Variants in ZMAT4 observed in about 807,000 individuals in gnomAD.
ZMAT4 encodes the protein zinc finger matrin-type protein 4.
ZMAT4 carries 17 observed loss-of-function variants against 28.7 expected under a neutral mutation model. The observed-to-expected ratio is 0.59, with a 90% CI of 0.41 to 0.89. The LOEUF is 0.89. Among genes scored for constraint, ZMAT4 ranks in the 40% least tolerant of loss-of-function variants. The pLI is 0.00. For synonymous variants in ZMAT4, 117 were observed against 109.2 expected (o/e 1.07, Z -0.44); for missense variants, 240 against 283.8 (o/e 0.85, Z 1.11).
intron 6 of ZMAT4, among the ~76,000 whole-genome samples, chr8:40,571,532 G>T (rs1171220555): frequency 6.6e-6 from 1 of 152,140 alleles, no homozygotes; most frequent in African/African-American, 2.4e-5. Flanking sequence ...GTAGAAAGCA[G>T]CCTTTGGCCC....
At chr8:40,861,392 T>A (rs1471485656) in intron 1 of ZMAT4, among the ~76,000 whole-genome samples, 1 of 152,292 alleles carries the variant, frequency 6.6e-6, no homozygotes, top group Non-Finnish European at 1.5e-5. Context: ...TGAAACTGGA[T>A]CCCTTCCTTA....
intron 2 of ZMAT4, among the ~76,000 whole-genome samples, chr8:40,782,005 C>A (rs971211787): frequency 1.4e-4 from 22 of 152,190 alleles, no homozygotes; most frequent in Admixed American, 1.4e-3. Flanking sequence ...ATATTTGTAA[C>A]CTTGAGTTAA....
chr8:40,546,252 C>T (rs1803198216), intron 6 of ZMAT4, among the ~76,000 whole-genome samples: 1 of 147,598 alleles, frequency 6.8e-6, no homozygotes, highest in Non-Finnish European at 1.5e-5. Flanking sequence ...AATTAATTTA[C>T]AGCACTAGCT....
intron 2 of ZMAT4, among the ~76,000 whole-genome samples, chr8:40,781,634 C>T (rs1432590870): frequency 6.8e-6 from 1 of 148,098 alleles, no homozygotes; most frequent in African/African-American, 2.5e-5. Flanking sequence ...TAGTGGCGGG[C>T]GCCTGTAGTC....
chr8:40,698,207 G>A (rs897982152), intron 3 of ZMAT4, among the ~76,000 whole-genome samples: 2 of 152,060 alleles, frequency 1.3e-5, no homozygotes, highest in Non-Finnish European at 2.9e-5. Context: ...TTTCAGGAAA[G>A]GTGATTCATT....
intron 2 of ZMAT4, among the ~76,000 whole-genome samples, chr8:40,804,789 C>T (rs1051972142): frequency 1.3e-5 from 2 of 151,974 alleles, no homozygotes; most frequent in African/African-American, 2.4e-5. Flanking sequence ...TGCAGTGAGC[C>T]GAGATCGGGC....
At chr8:40,646,283 G>A (rs973733838) in intron 5 of ZMAT4, among the ~76,000 whole-genome samples, 1 of 150,502 alleles carries the variant, frequency 6.6e-6, no homozygotes, top group Non-Finnish European at 1.5e-5. Context: ...TTTTTTTCAT[G>A]TAATTTAATT....
intron 1 of ZMAT4, among the ~76,000 whole-genome samples, chr8:40,861,761 A>T (rs1434185198): frequency 6.6e-6 from 1 of 152,242 alleles, no homozygotes; most frequent in Non-Finnish European, 1.5e-5. Context: ...TGGGCAAAGG[A>T]TATGAACAGA....
chr8:40,620,503 T>G (rs917242462), intron 5 of ZMAT4, among the ~76,000 whole-genome samples: 6 of 152,242 alleles, frequency 3.9e-5, no homozygotes, highest in Non-Finnish European at 8.8e-5. Context: ...GGATCATTCC[T>G]GAGGAATCCC....
chr8:40,640,483 A>C (rs1806970169), intron 5 of ZMAT4, among the ~76,000 whole-genome samples: 1 of 152,204 alleles, frequency 6.6e-6, no homozygotes. Context: ...CAGCACAAGC[A>C]GTGTCTGCTA....
At chr8:40,808,589 G>T (rs1234355551) in intron 2 of ZMAT4, 1 of 449,418 alleles carries the variant, frequency 2.2e-6, no homozygotes, top group Admixed American at 2.4e-5. Context: ...AAAAAAAAAA[G>T]TGCTGAGCTT....
intron 2 of ZMAT4, among the ~76,000 whole-genome samples, chr8:40,782,283 G>C (rs34161773): frequency 0.16 from 25,012 of 152,054 alleles, 2,573 homozygotes; most frequent in Middle Eastern, 0.25. Context: ...CTGCTTGGAA[G>C]GCTGAGGCAG....
chr8:40,763,852 C>G (rs1813033924), intron 3 of ZMAT4, among the ~76,000 whole-genome samples: 1 of 152,148 alleles, frequency 6.6e-6, no homozygotes, highest in Non-Finnish European at 1.5e-5. Context: ...ACTGATGACA[C>G]TAACCAAATG....
In ZMAT4 at chr8:40,548,803, A is replaced by G. The variant is rs2722458; in HGVS notation, c.675-16565T>C. Among the ~76,000 whole-genome samples, 3 of 152,092 alleles carry G rather than the reference A, an allele frequency of 2.0e-5. No homozygotes were observed. In the East Asian group the frequency reaches 5.8e-4, roughly 29 times the overall value. On this transcript the variant is annotated intron_variant, in intron 6 of 6. Coordinates refer to ENST00000297737, the MANE Select transcript of ZMAT4 (RefSeq NM_024645.3). ...GATAGAATTCTTTGTCCATTTGGTG[A>G]AAAACTTGTTTTGGAATCTTGTGAT...
chr8:40,592,942 C>T (rs1392237403), intron 5 of ZMAT4, among the ~76,000 whole-genome samples: 3 of 152,118 alleles, frequency 2.0e-5, no homozygotes, highest in African/African-American at 4.8e-5. Context: ...CTGAATTGAA[C>T]GTTAAGAAAA....
At chr8:40,678,796 C>T (rs1809018638) in intron 4 of ZMAT4, among the ~76,000 whole-genome samples, 1 of 152,100 alleles carries the variant, frequency 6.6e-6, no homozygotes, top group Non-Finnish European at 1.5e-5. Context: ...CAAGTTTTTT[C>T]AGATTCATTT....
chr8:40,600,211 G>T (rs1232682078), intron 5 of ZMAT4, among the ~76,000 whole-genome samples: 4 of 152,084 alleles, frequency 2.6e-5, no homozygotes, highest in Non-Finnish European at 5.9e-5. Flanking sequence ...TTTTTTGTTT[G>T]TTTGTTTGTT....
At chr8:40,600,289 G>A (rs1263945402) in intron 5 of ZMAT4, among the ~76,000 whole-genome samples, 1 of 152,112 alleles carries the variant, frequency 6.6e-6, no homozygotes. Context: ...TTCCTCCCAG[G>A]ACAAAAGTCA....
chr8:40,755,214 G>A (rs200572368), intron 3 of ZMAT4, among the ~76,000 whole-genome samples: 2 of 152,248 alleles, frequency 1.3e-5, no homozygotes, highest in East Asian at 3.9e-4. Context: ...AACTCTAACA[G>A]CCACAAACTG....
Sources: gnomAD v4.1 joint callset for allele counts (sites outside exome capture counted in the v4.1 genomes callset) on GRCh38, gnomAD v4.1.1 for gene constraint, MANE v1.5 for transcripts, NCBI Gene and HGNC (gene_info 2026-07-23, HGNC 2026-07-21) for gene names.